The following ADGRB3 variants were observed in gnomAD, a reference collection of about 807,000 sequenced individuals.
ADGRB3 encodes the protein brain-specific angiogenesis inhibitor 3.
ADGRB3 carries 37 observed loss-of-function variants against 193.4 expected under a neutral mutation model. The observed-to-expected ratio is 0.19, with a 90% CI of 0.15 to 0.25. The LOEUF (loss-of-function observed/expected upper bound fraction) is 0.25, where lower values mean the gene tolerates loss of function less well. ADGRB3 is among the 10% of genes least tolerant of loss of function. ADGRB3 has a pLI of 1.00. For missense variants in ADGRB3, 1,637 were observed against 1,852.9 expected, an observed-to-expected ratio of 0.88 and a Z score of 2.14; for synonymous variants, 690 against 644.2, an observed-to-expected ratio of 1.07 and a Z score of -1.08.
chr6:69,212,829 G>T (rs1395798429), intron 17 of ADGRB3, among the ~76,000 whole-genome samples: 1 of 152,100 alleles, frequency 6.6e-6, no homozygotes, highest in Admixed American at 6.6e-5. Context: ...GTTTATTGTA[G>T]AACTTTCTCG....
At chr6:69,239,397 G>A (rs1766338424) in intron 20 of ADGRB3, among the ~76,000 whole-genome samples, 171 bp downstream of exon 20, 2 of 151,982 alleles carry the variant, frequency 1.3e-5, no homozygotes, top group Non-Finnish European at 2.9e-5. Flanking sequence ...TTCCAGTTCA[G>A]AATGTATACC....
intron 13 of ADGRB3, among the ~76,000 whole-genome samples, chr6:69,029,012 A>G (rs1217061818): frequency 6.6e-6 from 1 of 152,132 alleles, no homozygotes; most frequent in Non-Finnish European, 1.5e-5. Flanking sequence ...TTTGTCCTAC[A>G]TCAGTGCCTC....
rs1766091009 is a variant in ADGRB3 at position 68,746,619 on chromosome 6, T to A, written c.757+107187T>A. Among the ~76,000 whole-genome samples the A allele has an allele frequency of 1.3e-5, 2 of 151,944 alleles. 1 individual carries two copies. Among genetic ancestry groups the A allele is most frequent in the South Asian group, 4.2e-4 (2 of 4,818 alleles). ...TTGCTCTTTCTCTTTTAATTTGTTC[T>A]CCTTTTTCACTCTCCATTTCTAATA... On this transcript the variant is annotated intron_variant, in intron 3 of 31. Transcript: ENST00000370598.
intron 3 of ADGRB3, among the ~76,000 whole-genome samples, chr6:68,865,691 T>A (rs1421822639): frequency 6.6e-6 from 1 of 152,152 alleles, no homozygotes; most frequent in Non-Finnish European, 1.5e-5. Flanking sequence ...AAAATTCTCA[T>A]GGCCATGGAA....
At chr6:69,187,317 A>G (rs1372470384) in intron 17 of ADGRB3, among the ~76,000 whole-genome samples, 1 of 152,196 alleles carries the variant, frequency 6.6e-6, no homozygotes, top group Admixed American at 6.5e-5. Flanking sequence ...TCCGGGCCAG[A>G]CATAAGAATT....
chr6:68,635,447 G>C lies in ADGRB3; in HGVS notation c.-741G>C, dbSNP rs765671152. Reference sequence around the variant, plus strand: ...GTCCATCAGTACCTGCAGGGGGGAGGAGGAGGAGGGAGGAAAGCGGAAAGA... The same window carrying C: ...GTCCATCAGTACCTGCAGGGGGGAGCAGGAGGAGGGAGGAAAGCGGAAAGA... On this transcript the variant is annotated 5_prime_UTR_variant, in exon 1 of 32. Transcript: ENST00000370598. The C allele has an allele frequency of 6.6e-6, 1 of 152,274 alleles. No homozygotes were observed. The highest frequency in any genetic ancestry group is 1.9e-4 in the East Asian group (1 of 5,146). The allele number at this position is 152,274 out of a possible 1,614,324, so 9.4% of individuals were successfully genotyped here.
At position 68,991,058 on chromosome 6, in the gene ADGRB3, A is replaced by G. The variant is rs144664883; in HGVS notation, c.1735-2710A>G. Among the ~76,000 whole-genome samples, 802 of 152,100 alleles carry G rather than the reference A, an allele frequency of 5.3e-3. 3 individuals carry two copies. Among genetic ancestry groups the G allele is most frequent in the Non-Finnish European group, 7.5e-3 (508 of 68,002 alleles). ...TGAGGAAGAGCAAAAGGACAAGTGC[A>G]GCTAGAGCACCAGACGTTTTTCAGC... On this transcript the variant is annotated intron_variant, in intron 10 of 31. Coordinates refer to ENST00000370598, the MANE Select transcript of ADGRB3 (RefSeq NM_001704.3).
chr6:68,782,067 C>T (rs900682049), intron 3 of ADGRB3, among the ~76,000 whole-genome samples: 3 of 150,820 alleles, frequency 2.0e-5, no homozygotes, highest in African/African-American at 7.3e-5. Flanking sequence ...GTGTGCTGCA[C>T]CCATTAACTC....
At position 68,951,336 on chromosome 6, in the gene ADGRB3, A is replaced by G. The variant is rs565943042; in HGVS notation, c.1196-4688A>G. Among the ~76,000 whole-genome samples the G allele has an allele frequency of 9.7e-4, 147 of 152,240 alleles. No individual in the cohort carries two copies. The Middle Eastern group carries it at 0.01, about 11-fold the overall frequency. Reference sequence around the variant, plus strand: ...TGGCTCTGTCCAGTGATTCAGACTCAGCTCTAATATCGTCGTCTCCTGAGA... The same window carrying G: ...TGGCTCTGTCCAGTGATTCAGACTCGGCTCTAATATCGTCGTCTCCTGAGA... On this transcript the variant is annotated intron_variant, in intron 6 of 31. Transcript: ENST00000370598.
chr6:69,185,746 C>A (rs535087217), intron 17 of ADGRB3, among the ~76,000 whole-genome samples: 1 of 152,086 alleles, frequency 6.6e-6, no homozygotes, highest in Non-Finnish European at 1.5e-5. Context: ...TTATCATTGA[C>A]TTTTAAGTTG....
chr6:69,095,311 C>A (rs537207064), intron 17 of ADGRB3, among the ~76,000 whole-genome samples: 1 of 150,212 alleles, frequency 6.7e-6, no homozygotes, highest in Non-Finnish European at 1.5e-5. Flanking sequence ...TCATGGGAGG[C>A]CTTCAACAGA....
intron 17 of ADGRB3, among the ~76,000 whole-genome samples, chr6:69,162,196 G>A (rs755788024): frequency 6.6e-6 from 1 of 152,062 alleles, no homozygotes; most frequent in Non-Finnish European, 1.5e-5. Flanking sequence ...AAATCAAGGT[G>A]AGACTAGTTA....
chr6:69,218,051 G>A (rs1765806108), intron 17 of ADGRB3, among the ~76,000 whole-genome samples: 2 of 131,792 alleles, frequency 1.5e-5, no homozygotes, highest in South Asian at 4.6e-4. Context: ...ACATGTAAAA[G>A]CCTTAACTCC....
At chr6:68,897,761 A>AGAGGAAGGAAGGGAGGGAGGAAAG (rs113624677) in intron 3 of ADGRB3, among the ~76,000 whole-genome samples, 1 of 127,948 alleles carries the variant, frequency 7.8e-6, no homozygotes, top group African/African-American at 3.0e-5. Flanking sequence ...GAGGGAGGAA[A>AGAGGAAGGAAGGGAGGGAGGAAAG]AGGGAGGGAG....
At chr6:68,700,281 T>C (rs1765220420) in intron 3 of ADGRB3, among the ~76,000 whole-genome samples, 1 of 152,186 alleles carries the variant, frequency 6.6e-6, no homozygotes, top group Non-Finnish European at 1.5e-5. Context: ...ATAAGTATGC[T>C]ATCAAATATT....
rs564246494 is a variant in ADGRB3 at position 68,690,892 on chromosome 6, C to T, written c.757+51460C>T. On this transcript the variant is annotated intron_variant, in intron 3 of 31. Transcript: ENST00000370598. ...TTCGTAGAGAACACATTTTGGGTTG[C>T]AGTTTTGTTAAGGAAAGGAAAAGAC... Among the ~76,000 whole-genome samples, 3 of 152,114 alleles carry T rather than the reference C, an allele frequency of 2.0e-5. No homozygotes were observed. The South Asian group carries it at 6.2e-4, about 31-fold the overall frequency.
intron 17 of ADGRB3, among the ~76,000 whole-genome samples, chr6:69,188,409 A>G (rs559164865): frequency 1.3e-5 from 2 of 152,068 alleles, no homozygotes; most frequent in Non-Finnish European, 2.9e-5. Context: ...CCTGGGTTCA[A>G]GCGATTCTCT....
intron 5 of ADGRB3, 146 bp from the exon 6 acceptor site, chr6:68,943,684 T>TA: frequency 1.7e-6 from 1 of 597,246 alleles, no homozygotes; most frequent in Non-Finnish European, 2.5e-6. Context: ...TTGTATTTTA[T>TA]AAAAAATAAG....
At chr6:69,111,909 G>C in intron 17 of ADGRB3, among the ~76,000 whole-genome samples, 1 of 152,142 alleles carries the variant, frequency 6.6e-6, no homozygotes, top group East Asian at 1.9e-4. Flanking sequence ...TTGGGGTATA[G>C]GTCATTTTGA....
Sources: allele counts gnomAD v4.1 joint callset (sites outside exome capture counted in the v4.1 genomes callset), GRCh38; gene constraint gnomAD v4.1.1; transcripts MANE v1.5; gene names NCBI Gene and HGNC (gene_info 2026-07-23, HGNC 2026-07-21).